The following PGRMC2 variants were observed in gnomAD, a reference collection of about 807,000 sequenced individuals.
The protein encoded by PGRMC2 is membrane-associated progesterone receptor component 2.
PGRMC2 carries 9 observed loss-of-function variants against 19.3 expected under a neutral mutation model. The ratio of observed to expected loss-of-function variants is 0.47; its 90% CI spans 0.28 to 0.81. PGRMC2 has a LOEUF of 0.81. PGRMC2 is among the 40% of genes least tolerant of loss of function. The pLI is 0.11. For missense variants in PGRMC2, 289 were observed against 297.3 expected (o/e 0.97, Z 0.21); for synonymous variants, 157 against 124.6 (o/e 1.26, Z -1.73).
At chr4:128,275,686 ATAATT>A (rs1760799589) in intron 1 of PGRMC2, among the ~76,000 whole-genome samples, 1 of 152,176 alleles carries the variant, frequency 6.6e-6, no homozygotes, top group African/African-American at 2.4e-5. Flanking sequence ...CTTTTTAGTA[ATAATT>A]TTCTATGCTC....
intron 1 of PGRMC2, among the ~76,000 whole-genome samples, chr4:128,278,291 A>G (rs1000459383): frequency 7.9e-5 from 12 of 152,222 alleles, no homozygotes; most frequent in Non-Finnish European, 1.5e-4. Flanking sequence ...ACATGTTGGG[A>G]CAACTAGATA....
chr4:128,283,291 T>A (rs1760936318), intron 1 of PGRMC2, among the ~76,000 whole-genome samples: 1 of 152,252 alleles, frequency 6.6e-6, no homozygotes, highest in Non-Finnish European at 1.5e-5. Flanking sequence ...TGCCACCTAC[T>A]AGATATGTGG....
At chr4:128,279,536 G>C (rs1341347355) in intron 1 of PGRMC2, among the ~76,000 whole-genome samples, 1 of 152,004 alleles carries the variant, frequency 6.6e-6, no homozygotes, top group East Asian at 1.9e-4. Flanking sequence ...TTATTTCCAG[G>C]AATTTACTTT....
At chr4:128,278,341 C>A (rs149050585) in intron 1 of PGRMC2, among the ~76,000 whole-genome samples, 74 of 152,198 alleles carry the variant, frequency 4.9e-4, no homozygotes, top group African/African-American at 1.7e-3. Flanking sequence ...GAGGCCAAGG[C>A]GGGTAGATCA....
At chr4:128,287,208 G>A (rs1489694765) in intron 1 of PGRMC2, 165 bp downstream of exon 1, 3 of 664,086 alleles carry the variant, frequency 4.5e-6, no homozygotes, top group South Asian at 4.2e-5. Context: ...GGGACGGTGT[G>A]TGTGTAGGGG....
chr4:128,276,566 G>A (rs984391014), intron 1 of PGRMC2, among the ~76,000 whole-genome samples: 1 of 152,028 alleles, frequency 6.6e-6, no homozygotes, highest in Non-Finnish European at 1.5e-5. Context: ...CAGGTGATCC[G>A]CCTACCTCAA....
intron 1 of PGRMC2, among the ~76,000 whole-genome samples, chr4:128,280,733 G>A (rs138157029): frequency 1.3e-5 from 2 of 152,124 alleles, no homozygotes; most frequent in East Asian, 3.9e-4. Flanking sequence ...GAGTAGCTGG[G>A]GCCACAGGTG....
intron 1 of PGRMC2, among the ~76,000 whole-genome samples, chr4:128,283,092 C>T (rs1223310071): frequency 1.3e-5 from 2 of 151,940 alleles, no homozygotes; most frequent in Admixed American, 6.6e-5. Flanking sequence ...TTTTGCCATT[C>T]CAAAAAAATA....
chr4:128,286,174 G>A (rs1421380293), intron 1 of PGRMC2, among the ~76,000 whole-genome samples: 1 of 151,760 alleles, frequency 6.6e-6, no homozygotes, highest in African/African-American at 2.4e-5. Context: ...CCAACCCTAT[G>A]ACTTTAAGGC....
rs1030592466 is a variant in PGRMC2 at position 128,287,563 on chromosome 4, C to A, written c.228G>T (p.Gly76=). Residue 76 remains glycine, a synonymous_variant, in exon 1 of 3, where the codon GGG becomes GGT. Transcript: ENST00000296425. ...LGAYRLWVRW[G]RRGLGAGAGA... ...CGGCCCCGGCCCCCAGACCCCGCCGCCCCCAGCGCACCCACAGCCGGTAGG... is the reference window on the plus strand; with the variant it reads ...CGGCCCCGGCCCCCAGACCCCGCCGACCCCAGCGCACCCACAGCCGGTAGG... 2 of 1,536,324 alleles carry A rather than the reference C, an allele frequency of 1.3e-6. No individual in the cohort carries two copies. The highest frequency in any genetic ancestry group is 8.8e-7 in the Non-Finnish European group (1 of 1,141,078).
chr4:128,272,877 TG>T (rs1760754408), intron 1 of PGRMC2: 1 of 166,440 alleles, frequency 6.0e-6, no homozygotes, highest in African/African-American at 2.4e-5. Context: ...GGGGAAATAA[TG>T]TTTACTGGTT....
intron 1 of PGRMC2, among the ~76,000 whole-genome samples, chr4:128,278,757 AG>A: frequency 6.6e-6 from 1 of 152,308 alleles, no homozygotes; most frequent in South Asian, 2.1e-4. Flanking sequence ...CAGCTATAAA[AG>A]AAAAGATAAA....
In PGRMC2 at chr4:128,269,679, T is replaced by C. The variant is rs1760696942; in HGVS notation, c.*1637A>G. On this transcript the variant is annotated 3_prime_UTR_variant, in exon 3 of 3. Coordinates refer to ENST00000296425, the MANE Select transcript of PGRMC2 (RefSeq NM_006320.6). ...TAACTGGTGACCTGTTAAATAACAT[T>C]GCCTTTTTAAGTGAACTTGTCCCCA... 1 of 152,176 alleles carries C rather than the reference T, an allele frequency of 6.6e-6. No homozygotes were observed. The highest frequency in any genetic ancestry group is 2.4e-5 in the African/African-American group (1 of 41,434). 9.4% of individuals were successfully genotyped at this position (152,176 alleles called of 1,614,324 possible). A position where few individuals can be genotyped will look rare whatever the true frequency, so the allele number is the denominator to read the frequency against.
chr4:128,273,195 A>C (rs1463710293), intron 1 of PGRMC2: 3 of 152,228 alleles, frequency 2.0e-5, no homozygotes, highest in African/African-American at 7.2e-5. Flanking sequence ...TAAGGAAAAT[A>C]ATAGCTCTTA....
intron 1 of PGRMC2, among the ~76,000 whole-genome samples, chr4:128,278,137 T>G (rs1175145857): frequency 6.6e-6 from 1 of 152,070 alleles, no homozygotes; most frequent in East Asian, 1.9e-4. Flanking sequence ...CTTATGGGAG[T>G]GGGGCCTGAG....
intron 1 of PGRMC2, among the ~76,000 whole-genome samples, chr4:128,285,164 C>T (rs993360918): frequency 2.6e-5 from 4 of 152,092 alleles, no homozygotes; most frequent in East Asian, 1.9e-4. Flanking sequence ...CTCTCTCTGT[C>T]GCCCAGGCTG....
intron 1 of PGRMC2, among the ~76,000 whole-genome samples, chr4:128,278,749 G>A (rs577513035): frequency 6.6e-6 from 1 of 152,162 alleles, no homozygotes; most frequent in South Asian, 2.1e-4. Context: ...TAACTTAGCA[G>A]CTATAAAAGA....
intron 1 of PGRMC2, among the ~76,000 whole-genome samples, chr4:128,286,203 A>G (rs1056156405): frequency 3.9e-5 from 6 of 151,978 alleles, no homozygotes; most frequent in African/African-American, 1.5e-4. Context: ...ACTCTCTCCA[A>G]TAACAGGTCA....
At chr4:128,281,985 T>A (rs1048903375) in intron 1 of PGRMC2, among the ~76,000 whole-genome samples, 14 of 152,338 alleles carry the variant, frequency 9.2e-5, no homozygotes, top group Admixed American at 4.6e-4. Flanking sequence ...TAACCTTGCT[T>A]AGCCACTTAA....
Sources: allele counts gnomAD v4.1 joint callset (sites outside exome capture counted in the v4.1 genomes callset), GRCh38; gene constraint gnomAD v4.1.1; transcripts MANE v1.5; gene names NCBI Gene and HGNC (gene_info 2026-07-23, HGNC 2026-07-21).